POLR1E: variants seen among roughly 807,000 people sequenced by gnomAD.
POLR1E encodes DNA-directed RNA polymerase I subunit RPA49.
POLR1E carries 37 observed loss-of-function variants against 50.9 expected under a neutral mutation model. That is an observed-to-expected ratio of 0.73 (90% CI 0.56 to 0.96). POLR1E has a LOEUF of 0.96. Ranked by LOEUF, POLR1E falls within the 40% of genes least tolerant of loss-of-function variation. The pLI is 0.00. For synonymous variants in POLR1E, 166 were observed against 191.6 expected (o/e 0.87, Z 1.10); for missense variants, 426 against 518.1 (o/e 0.82, Z 1.73).
chr9:37,487,736 G>A, intron 2 of POLR1E, 127 bp from the exon 3 acceptor site: 8 of 872,864 alleles, frequency 9.2e-6, no homozygotes, highest in Non-Finnish European at 1.5e-5. Context: ...TCATCTGCCA[G>A]AGATGAACTA....
chr9:37,494,427 CTT>C (rs1260452816), intron 6 of POLR1E, among the ~76,000 whole-genome samples: 2 of 152,154 alleles, frequency 1.3e-5, no homozygotes, highest in Admixed American at 6.6e-5. Context: ...GATTTCAACA[CTT>C]TCACAAATTT....
chr9:37,500,924 CAG>C lies in POLR1E; in HGVS notation c.968+4_968+5del. 1.2e-6 allele frequency: 2 copies of C among 1,611,502 alleles called. No individual in the cohort carries two copies. The highest frequency in any genetic ancestry group is 1.7e-6 in the Non-Finnish European group (2 of 1,177,954). On this transcript the variant is annotated splice_donor_5th_base_variant and intron_variant, in intron 10 of 11. Transcript: ENST00000377798. ...TGCTTGACCTACAACAATGGCAGGT[CAG>C]GGGGTGGTTGCTGGGATTTTTCTTG...
chr9:37,500,474 C>T (rs1021361357), intron 9 of POLR1E, among the ~76,000 whole-genome samples: 3 of 152,180 alleles, frequency 2.0e-5, no homozygotes, highest in Admixed American at 6.5e-5. Flanking sequence ...CGTGAGCCAC[C>T]GCGCCTGGCC....
At chr9:37,489,970 C>G (rs191839312) in intron 4 of POLR1E, among the ~76,000 whole-genome samples, 19 of 152,258 alleles carry the variant, frequency 1.2e-4, no homozygotes, top group African/African-American at 4.3e-4. Context: ...AGACACAGAT[C>G]CTGTCCCCAT....
At chr9:37,501,933 A>T (rs2119023020) in intron 11 of POLR1E, 89 bp downstream of exon 11, 2 of 1,378,954 alleles carry the variant, frequency 1.5e-6, no homozygotes, top group Admixed American at 5.1e-5. Flanking sequence ...CCACCAAGGG[A>T]ACTGAGGATG....
chr9:37,486,303 C>T, intron 1 of POLR1E, 180 bp downstream of exon 1: 1 of 1,295,674 alleles, frequency 7.7e-7, no homozygotes, highest in Middle Eastern at 2.2e-4. Flanking sequence ...CACTACCTCC[C>T]AGCCAGATTG....
Position 37,495,213 on chromosome 9 carries a change from C to T in POLR1E, c.592C>T (p.Leu198Phe), listed in dbSNP as rs1481568738. 6.2e-7 allele frequency: 1 copy of T among 1,614,054 alleles called. No individual in the cohort carries two copies. Among genetic ancestry groups the T allele is most frequent in the Non-Finnish European group, 8.5e-7 (1 of 1,180,034 alleles). ...AIHNDLQDDS[L>F]YLPPCYDDAA... ...CCACAATGACTTGCAAGATGACTCC[C>T]TCTACCTTCCTCCCTGCTATGATGA... The change falls in exon 7 of 12, where the codon CTC becomes TTC. Residue 198 changes from leucine to phenylalanine, a missense_variant. Physicochemically the swap from Leu to Phe is conservative, Grantham distance 22. Transcript: ENST00000377798.
Position 37,485,961 on chromosome 9 carries a change from C to T in POLR1E, c.-87C>T, listed in dbSNP as rs1161032148. On this transcript the variant is annotated 5_prime_UTR_variant, in exon 1 of 12. Coordinates refer to ENST00000377798, the MANE Select transcript of POLR1E (RefSeq NM_022490.4). Reference sequence around the variant, plus strand: ...GCGGGGCCACGCCTTTTCCGGCCCGCAGCGCGGCCTGGGCTCCCGCGTGTT... The same window carrying T: ...GCGGGGCCACGCCTTTTCCGGCCCGTAGCGCGGCCTGGGCTCCCGCGTGTT... 9.3e-6 allele frequency: 14 copies of T among 1,512,418 alleles called. No homozygotes were observed. The highest frequency in any genetic ancestry group is 1.2e-5 in the Non-Finnish European group (13 of 1,113,754). 93.7% of individuals were successfully genotyped at this position (1,512,418 alleles called of 1,614,324 possible). A position where few individuals can be genotyped will look rare whatever the true frequency, so the allele number is the denominator to read the frequency against.
intron 4 of POLR1E, chr9:37,490,798 T>A (rs899734972): frequency 3.3e-5 from 20 of 613,852 alleles, no homozygotes; most frequent in Non-Finnish European, 5.9e-5. Flanking sequence ...TCTTATAGAT[T>A]CACATATATG....
intron 8 of POLR1E, among the ~76,000 whole-genome samples, chr9:37,497,473 G>A (rs1293547231): frequency 2.0e-5 from 3 of 152,218 alleles, no homozygotes; most frequent in Admixed American, 6.5e-5. Context: ...AAAAACAGAG[G>A]TCAGAGGTTA....
chr9:37,490,460 A>T, intron 4 of POLR1E: 2 of 887,866 alleles, frequency 2.3e-6, no homozygotes, highest in South Asian at 2.6e-5. Flanking sequence ...CCAGCAGCTC[A>T]GGCTGCTTCC....
At chr9:37,486,229 G>C (rs572124914) in intron 1 of POLR1E, 106 bp downstream of exon 1, 3 of 1,396,654 alleles carry the variant, frequency 2.1e-6, no homozygotes, top group East Asian at 2.5e-5. Context: ...CAGCGGGGCC[G>C]GGACCCCTCT....
chr9:37,486,725 A>G lies in POLR1E; in HGVS notation c.99A>G (p.Leu33=), dbSNP rs1426388044. 1 of 1,614,232 alleles carries G rather than the reference A, an allele frequency of 6.2e-7. No individual in the cohort carries two copies. The highest frequency in any genetic ancestry group is 1.3e-5 in the African/African-American group (1 of 75,060). The change falls in exon 2 of 12, where the codon CTA becomes CTG. Residue 33 remains leucine (L), a synonymous_variant. Transcript: ENST00000377798. The part of the protein sequence containing the change: ...AVLVQFSNGK[L]QSPGNMRFTL... ...CAGTCCAGTTCTCCAACGGGAAGCT[A>G]CAGAGTCCAGGCAACATGCGCTTTA...
In POLR1E at chr9:37,498,208, G is replaced by A. The variant is rs746819305; in HGVS notation, c.870G>A (p.Arg290=). ...LDTLIKFRAH[R]VVKRKSALGP... ...CCCTCATCAAATTTCGAGCTCATAG[G>A]GTAGTTAAGCGGAAAAGTAAGTCTA... The change falls in exon 9 of 12, where the codon AGG becomes AGA. Residue 290 remains arginine, a synonymous_variant. Transcript: ENST00000377798. 1 of 1,613,350 alleles carries A rather than the reference G, an allele frequency of 6.2e-7. No individual in the cohort carries two copies. Among genetic ancestry groups the A allele is most frequent in the Non-Finnish European group, 8.5e-7 (1 of 1,179,680 alleles).
intron 1 of POLR1E, 29 bp downstream of exon 1, chr9:37,486,152 C>T (rs373709196): frequency 2.6e-6 from 4 of 1,558,946 alleles, no homozygotes; most frequent in African/African-American, 2.7e-5. Flanking sequence ...GAGCAGTGCT[C>T]CTCTAACCCT....
Position 37,489,306 on chromosome 9 carries a change from T to A in POLR1E, c.258-9T>A. On this transcript the variant is annotated splice_polypyrimidine_tract_variant and intron_variant, in intron 3 of 11. Transcript: ENST00000377798. ...CCATTGTTATTTGTATTATTTCTTC[T>A]TTATTCAGGCACTTTGTGGGAATTT... 1 of 1,579,994 alleles carries A rather than the reference T, an allele frequency of 6.3e-7. No homozygotes were observed. The highest frequency in any genetic ancestry group is 8.6e-7 in the Non-Finnish European group (1 of 1,162,158).
At chr9:37,493,046 C>T (rs949569880) in intron 5 of POLR1E, among the ~76,000 whole-genome samples, 1 of 152,172 alleles carries the variant, frequency 6.6e-6, no homozygotes, top group South Asian at 2.1e-4. Flanking sequence ...AAAACATTCA[C>T]GTTAAAACAA....
intron 9 of POLR1E, among the ~76,000 whole-genome samples, chr9:37,500,235 G>T (rs1263698582): frequency 6.7e-6 from 1 of 150,142 alleles, no homozygotes; most frequent in African/African-American, 2.5e-5. Context: ...CCCAGGCTAG[G>T]GTGCAGTGGC....
intron 9 of POLR1E, among the ~76,000 whole-genome samples, chr9:37,500,240 A>G (rs1391066328): frequency 6.6e-6 from 1 of 151,608 alleles, no homozygotes; most frequent in African/African-American, 2.4e-5. Flanking sequence ...GCTAGGGTGC[A>G]GTGGCGCAAT....
Sources: allele counts gnomAD v4.1 joint callset (sites outside exome capture counted in the v4.1 genomes callset), GRCh38; gene constraint gnomAD v4.1.1; transcripts MANE v1.5; gene names NCBI Gene and HGNC (gene_info 2026-07-23, HGNC 2026-07-21).